The following SGCZ variants were observed in gnomAD, a reference collection of about 807,000 sequenced individuals.
SGCZ encodes zeta-sarcoglycan.
In SGCZ, 40 loss-of-function variants were observed where a neutral mutation model predicts 41.3. That is an observed-to-expected ratio of 0.97 (90% CI 0.75 to 1.26). The LOEUF is 1.26. Among genes scored for constraint, SGCZ ranks in the 50% most tolerant of loss-of-function variants. SGCZ has a pLI of 0.00. For synonymous variants in SGCZ, 206 were observed against 137.5 expected, an observed-to-expected ratio of 1.50 and a Z score of -3.49; for missense variants, 552 against 369.8, an observed-to-expected ratio of 1.49 and a Z score of -4.04.
chr8:14,530,743 G>T (rs899294649), intron 2 of SGCZ, among the ~76,000 whole-genome samples: 21 of 151,566 alleles, frequency 1.4e-4, no homozygotes, highest in Admixed American at 4.0e-4. Context: ...ATCTATTCTG[G>T]AGGCTGAGGC....
At chr8:14,284,667 A>C (rs1299200425) in intron 3 of SGCZ, among the ~76,000 whole-genome samples, 1 of 152,110 alleles carries the variant, frequency 6.6e-6, no homozygotes, top group Middle Eastern at 3.4e-3. Flanking sequence ...CCTTTGTCCC[A>C]TCTATAGATT....
intron 4 of SGCZ, among the ~76,000 whole-genome samples, chr8:14,222,915 G>A (rs1257190284): frequency 1.4e-5 from 2 of 144,288 alleles, no homozygotes; most frequent in Non-Finnish European, 3.0e-5. Flanking sequence ...GGGTTCAAGA[G>A]ACTCTCCTGT....
intron 1 of SGCZ, among the ~76,000 whole-genome samples, chr8:14,821,733 G>A (rs1004552327): frequency 6.6e-6 from 1 of 151,924 alleles, no homozygotes; most frequent in African/African-American, 2.4e-5. Context: ...CATTTTAATA[G>A]AGGCAGAAAA....
intron 1 of SGCZ, among the ~76,000 whole-genome samples, chr8:14,637,382 C>T (rs572083340): frequency 1.3e-5 from 2 of 151,386 alleles, no homozygotes; most frequent in South Asian, 2.1e-4. Flanking sequence ...GAGTAAATTG[C>T]GTGATGCTGC....
intron 1 of SGCZ, among the ~76,000 whole-genome samples, chr8:14,599,458 A>C (rs1204268237): frequency 6.6e-6 from 1 of 152,192 alleles, no homozygotes; most frequent in East Asian, 1.9e-4. Context: ...GTCTCCCATT[A>C]ATTTCACAAG....
chr8:14,415,142 G>A (rs568411477), intron 2 of SGCZ, among the ~76,000 whole-genome samples: 1 of 151,696 alleles, frequency 6.6e-6, no homozygotes, highest in Non-Finnish European at 1.5e-5. Flanking sequence ...AATACCCCTT[G>A]ATTCATTGGG....
intron 1 of SGCZ, among the ~76,000 whole-genome samples, chr8:15,205,773 G>GTA (rs1801039935): frequency 6.6e-6 from 1 of 152,142 alleles, no homozygotes; most frequent in Non-Finnish European, 1.5e-5. Context: ...TATATACCCA[G>GTA]AGGAATGTAC....
intron 2 of SGCZ, among the ~76,000 whole-genome samples, chr8:14,404,634 G>A (rs1200264478): frequency 6.6e-6 from 1 of 152,098 alleles, no homozygotes; most frequent in Non-Finnish European, 1.5e-5. Context: ...AAGGGCATTT[G>A]ACTTTAATTA....
intron 1 of SGCZ, among the ~76,000 whole-genome samples, chr8:14,953,955 G>A: frequency 6.6e-6 from 1 of 152,200 alleles, no homozygotes; most frequent in East Asian, 1.9e-4. Flanking sequence ...AGTCCTTTCA[G>A]TGTTACTGAT....
intron 1 of SGCZ, among the ~76,000 whole-genome samples, chr8:15,201,542 T>G (rs933778855): frequency 6.6e-6 from 1 of 152,192 alleles, no homozygotes. Flanking sequence ...CAAGACCATG[T>G]CTTTACTGCT....
chr8:14,971,809 C>T (rs1032728292), intron 1 of SGCZ, among the ~76,000 whole-genome samples: 3 of 151,736 alleles, frequency 2.0e-5, no homozygotes, highest in Non-Finnish European at 2.9e-5. Flanking sequence ...GCCACAATGC[C>T]GAGATAATCT....
In SGCZ at chr8:14,673,650, A is replaced by G. The variant is rs1358131776; in HGVS notation, c.40-118724T>C. On this transcript the variant is annotated intron_variant, in intron 1 of 7. Transcript: ENST00000382080. ...TAGCAGTGTGAAAATGGACTAATAC[A>G]ATGGTAAATATATAGAGGTCAGGAA... Among the ~76,000 whole-genome samples the G allele has an allele frequency of 6.6e-5, 10 of 152,210 alleles. No individual in the cohort carries two copies. The East Asian group carries it at 1.9e-3, about 29-fold the overall frequency.
At chr8:14,112,435 T>C (rs990217239) in intron 5 of SGCZ, among the ~76,000 whole-genome samples, 1 of 152,082 alleles carries the variant, frequency 6.6e-6, no homozygotes, top group African/African-American at 2.4e-5. Flanking sequence ...ACAGGTATCT[T>C]AGCTTTTCAG....
intron 2 of SGCZ, among the ~76,000 whole-genome samples, chr8:14,354,817 G>C (rs1482249708): frequency 2.0e-5 from 3 of 151,530 alleles, no homozygotes; most frequent in Non-Finnish European, 4.4e-5. Flanking sequence ...ATTTAATTAT[G>C]AATTCTTCAC....
At chr8:14,328,983 C>G (rs1292447083) in intron 2 of SGCZ, among the ~76,000 whole-genome samples, 1 of 152,190 alleles carries the variant, frequency 6.6e-6, no homozygotes, top group Admixed American at 6.5e-5. Flanking sequence ...AAACAGCAGC[C>G]TTCATCAGAC....
intron 5 of SGCZ, among the ~76,000 whole-genome samples, chr8:14,113,516 C>A (rs780358140): frequency 7.2e-5 from 11 of 152,102 alleles, no homozygotes; most frequent in Admixed American, 6.6e-5. Context: ...TGATAAGGAT[C>A]CAGATTTCCA....
intron 1 of SGCZ, among the ~76,000 whole-genome samples, chr8:15,128,572 C>G (rs900409456): frequency 1.3e-4 from 20 of 152,302 alleles, no homozygotes; most frequent in Admixed American, 6.5e-4. Context: ...ATTCTGCACT[C>G]TCTCACTGCT....
At chr8:15,210,454 C>G (rs1801199969) in intron 1 of SGCZ, among the ~76,000 whole-genome samples, 1 of 150,480 alleles carries the variant, frequency 6.6e-6, no homozygotes, top group African/African-American at 2.4e-5. Flanking sequence ...TAACCCTACT[C>G]CATAACAACT....
intron 2 of SGCZ, among the ~76,000 whole-genome samples, chr8:14,443,877 C>G (rs1036741071): frequency 3.9e-5 from 6 of 152,104 alleles, no homozygotes; most frequent in Admixed American, 3.3e-4. Flanking sequence ...AACAGGCAAC[C>G]TACAGAATGG....
Sources: gnomAD v4.1 joint callset for allele counts (sites outside exome capture counted in the v4.1 genomes callset) on GRCh38, gnomAD v4.1.1 for gene constraint, MANE v1.5 for transcripts, NCBI Gene and HGNC (gene_info 2026-07-23, HGNC 2026-07-21) for gene names.